Variants in GABRB1 observed in about 807,000 individuals in gnomAD.
GABRB1 encodes gamma-aminobutyric acid type A receptor subunit beta1, also known as gamma-aminobutyric acid receptor subunit beta-1.
A neutral mutation model predicts 51.6 loss-of-function variants in GABRB1; 17 were observed. The ratio of observed to expected loss-of-function variants is 0.33; its 90% CI spans 0.23 to 0.49. The LOEUF is 0.49. Among genes scored for constraint, GABRB1 ranks in the 20% least tolerant of loss-of-function variants. GABRB1 has a pLI of 0.99. For synonymous variants in GABRB1, 247 were observed against 218.9 expected (o/e 1.13, Z -1.14); for missense variants, 410 against 600.6 (o/e 0.68, Z 3.32).
At chr4:47,120,547 C>T (rs1190720748) in intron 3 of GABRB1, among the ~76,000 whole-genome samples, 1 of 152,158 alleles carries the variant, frequency 6.6e-6, no homozygotes, top group African/African-American at 2.4e-5. Flanking sequence ...GATGGAGTCT[C>T]TCCTCATAAT....
At chr4:47,200,898 T>G (rs2044084) in intron 4 of GABRB1, among the ~76,000 whole-genome samples, 129,144 of 152,104 alleles carry the variant, frequency 0.85, 54,799 homozygotes, top group Middle Eastern at 0.92. Context: ...CAAGCAGCCA[T>G]AGTGGTTAAT....
At chr4:47,185,310 C>T (rs940510709) in intron 4 of GABRB1, among the ~76,000 whole-genome samples, 1 of 151,796 alleles carries the variant, frequency 6.6e-6, no homozygotes, top group Admixed American at 6.6e-5. Context: ...TTCTGGCTCT[C>T]CCAGAAAAAG....
At chr4:47,364,525 GA>G (rs1164310962) in intron 5 of GABRB1, among the ~76,000 whole-genome samples, 2 of 150,378 alleles carry the variant, frequency 1.3e-5, no homozygotes, top group Non-Finnish European at 3.0e-5. Context: ...GAAAAGATAA[GA>G]AAATAAAGCA....
intron 3 of GABRB1, among the ~76,000 whole-genome samples, chr4:47,048,517 G>A (rs887542686): frequency 4.6e-5 from 7 of 152,116 alleles, no homozygotes; most frequent in African/African-American, 1.7e-4. Flanking sequence ...TTCAATTTAA[G>A]CGTGATGCAT....
At chr4:47,087,509 C>G (rs1728125951) in intron 3 of GABRB1, among the ~76,000 whole-genome samples, 1 of 151,772 alleles carries the variant, frequency 6.6e-6, no homozygotes, top group South Asian at 2.1e-4. Context: ...CAGTATCTAA[C>G]TCTGAGGCGC....
At chr4:47,203,010 A>G (rs1053065540) in intron 4 of GABRB1, among the ~76,000 whole-genome samples, 3 of 152,164 alleles carry the variant, frequency 2.0e-5, no homozygotes, top group African/African-American at 7.2e-5. Flanking sequence ...AAAAGAAATG[A>G]AGACTCTACT....
At chr4:47,315,344 C>G (rs1724846032) in intron 4 of GABRB1, among the ~76,000 whole-genome samples, 1 of 151,890 alleles carries the variant, frequency 6.6e-6, no homozygotes. Context: ...CATCTCACAC[C>G]AGTCAGAATG....
chr4:47,340,125 A>G (rs1322788499), intron 5 of GABRB1, among the ~76,000 whole-genome samples: 2 of 152,184 alleles, frequency 1.3e-5, no homozygotes, highest in Non-Finnish European at 2.9e-5. Context: ...AATATAGGGA[A>G]CTAAGAGCTT....
At chr4:47,349,711 C>T (rs926152722) in intron 5 of GABRB1, among the ~76,000 whole-genome samples, 2 of 152,158 alleles carry the variant, frequency 1.3e-5, no homozygotes, top group Non-Finnish European at 2.9e-5. Flanking sequence ...TCAACAAGCT[C>T]TGATCTGAAA....
intron 4 of GABRB1, among the ~76,000 whole-genome samples, chr4:47,226,527 A>T (rs1459414100): frequency 6.6e-6 from 1 of 152,138 alleles, no homozygotes; most frequent in African/African-American, 2.4e-5. Context: ...TTTTATTCTT[A>T]CTTCAGAGTC....
At chr4:47,033,372 G>A (rs1249089746) in intron 3 of GABRB1, among the ~76,000 whole-genome samples, 1 of 152,154 alleles carries the variant, frequency 6.6e-6, no homozygotes, top group Non-Finnish European at 1.5e-5. Context: ...CGTCCACTGT[G>A]TGTAGGAGTT....
At chr4:47,195,027 C>T (rs766056246) in intron 4 of GABRB1, among the ~76,000 whole-genome samples, 24 of 152,134 alleles carry the variant, frequency 1.6e-4, no homozygotes, top group Non-Finnish European at 3.4e-4. Flanking sequence ...GATTCTACTT[C>T]CTCACCATGG....
At chr4:47,280,574 T>C (rs947402768) in intron 4 of GABRB1, among the ~76,000 whole-genome samples, 26 of 151,446 alleles carry the variant, frequency 1.7e-4, no homozygotes. Context: ...GTAGGTGCAA[T>C]TTTGACACAT....
At chr4:47,023,607 G>A (rs532813480) in intron 1 of GABRB1, among the ~76,000 whole-genome samples, 6 of 151,824 alleles carry the variant, frequency 4.0e-5, no homozygotes, top group Non-Finnish European at 8.8e-5. Flanking sequence ...AAGTATAAAA[G>A]AAGAAAAAAT....
At chr4:47,413,359 C>T (rs767688252) in intron 8 of GABRB1, among the ~76,000 whole-genome samples, 1 of 152,118 alleles carries the variant, frequency 6.6e-6, no homozygotes, top group Non-Finnish European at 1.5e-5. Flanking sequence ...TTGGTAGTTC[C>T]TAACTTTCTT....
chr4:47,353,029 C>G (rs537803610), intron 5 of GABRB1, among the ~76,000 whole-genome samples: 1 of 152,212 alleles, frequency 6.6e-6, no homozygotes, highest in Non-Finnish European at 1.5e-5. Context: ...TGGCAGGAGG[C>G]AAAAGGCACT....
At position 47,024,080 on chromosome 4, in the gene GABRB1, T is replaced by C. The variant is rs576057155; in HGVS notation, c.-19-7834T>C. 8.5e-5 allele frequency among the ~76,000 whole-genome samples: 13 copies of C among 152,150 alleles called. No individual in the cohort carries two copies. The South Asian group carries it at 2.7e-3, about 31-fold the overall frequency. On this transcript the variant is annotated intron_variant, in intron 1 of 3. Coordinates refer to the GABRB1 transcript ENST00000513567. ...ATTTATGGAATTTCATTTTAAAATT[T>C]ACAATTACATTTCAATTTCATAAAT...
At chr4:47,425,558 C>A in intron 8 of GABRB1, 116 bp from the exon 9 acceptor site, 1 of 764,182 alleles carries the variant, frequency 1.3e-6, no homozygotes, top group Non-Finnish European at 2.2e-6. Context: ...CACATCAAGC[C>A]AGATGTTTAG....
intron 4 of GABRB1, among the ~76,000 whole-genome samples, chr4:47,281,759 C>T (rs188231020): frequency 6.6e-6 from 1 of 152,078 alleles, no homozygotes; most frequent in Admixed American, 6.5e-5. Flanking sequence ...AACTAGAAGT[C>T]TATGTTAAGT....
Sources: allele counts gnomAD v4.1 joint callset (sites outside exome capture counted in the v4.1 genomes callset), GRCh38; gene constraint gnomAD v4.1.1; transcripts MANE v1.5; gene names NCBI Gene and HGNC (gene_info 2026-07-23, HGNC 2026-07-21).